ACOXL: variants seen among roughly 807,000 people sequenced by gnomAD.
ACOXL encodes the protein acyl-coenzyme A oxidase-like protein.
In ACOXL, 70 loss-of-function variants were observed where a neutral mutation model predicts 71.9. The ratio of observed to expected loss-of-function variants is 0.97; its 90% CI spans 0.80 to 1.19. ACOXL has a LOEUF of 1.19. Among genes scored for constraint, ACOXL ranks in the 50% most tolerant of loss-of-function variants. The probability of loss-of-function intolerance (pLI) is 0.00; values close to 1 mark genes in which losing one functional copy is unlikely to be tolerated. For missense variants in ACOXL, 703 were observed against 736.3 expected (o/e 0.95, Z 0.52); for synonymous variants, 253 against 281.6 (o/e 0.90, Z 1.02).
At chr2:110,751,013 A>G (rs1458992799) in intron 1 of ACOXL, among the ~76,000 whole-genome samples, 2 of 151,208 alleles carry the variant, frequency 1.3e-5, no homozygotes, top group Admixed American at 6.6e-5. Context: ...AAATTTAGAC[A>G]TGCGGCTGGG....
At chr2:110,917,441 A>G (rs1454169059) in intron 11 of ACOXL, among the ~76,000 whole-genome samples, 1 of 152,258 alleles carries the variant, frequency 6.6e-6, no homozygotes, top group Non-Finnish European at 1.5e-5. Context: ...ACCCACAGCC[A>G]CTATCATACT....
intron 8 of ACOXL, among the ~76,000 whole-genome samples, chr2:110,803,531 C>A (rs931913073): frequency 9.2e-5 from 14 of 151,954 alleles, no homozygotes; most frequent in Admixed American, 6.6e-5. Context: ...CAAAATGGAT[C>A]ACAGACCTAA....
At chr2:110,896,093 C>T (rs2058997921) in intron 10 of ACOXL, among the ~76,000 whole-genome samples, 1 of 152,010 alleles carries the variant, frequency 6.6e-6, no homozygotes, top group African/African-American at 2.4e-5. Flanking sequence ...GACAATTATA[C>T]ACAGGGGAAA....
At chr2:110,933,118 AAGTCATG>A (rs2060536657) in intron 11 of ACOXL, among the ~76,000 whole-genome samples, 1 of 152,346 alleles carries the variant, frequency 6.6e-6, no homozygotes, top group Admixed American at 6.5e-5. Flanking sequence ...GATTTTTTAA[AAGTCATG>A]TCTGACAATC....
At chr2:110,789,884 C>G (rs1684439177) in intron 3 of ACOXL, among the ~76,000 whole-genome samples, 2 of 152,238 alleles carry the variant, frequency 1.3e-5, no homozygotes, top group South Asian at 4.1e-4. Context: ...ATGGCCTGGC[C>G]TATTGCAGCC....
chr2:110,915,350 A>ATATATATATATATATATATATATGTG (rs1491355100), intron 11 of ACOXL, among the ~76,000 whole-genome samples: 11 of 113,610 alleles, frequency 9.7e-5, no homozygotes, highest in Non-Finnish European at 1.8e-4. Context: ...ATATATATAT[A>ATATATATATATATATATATATATGTG]TGTGTGTGTG....
chr2:110,842,172 A>G (rs1042156770), intron 10 of ACOXL, among the ~76,000 whole-genome samples: 3 of 152,168 alleles, frequency 2.0e-5, no homozygotes, highest in Non-Finnish European at 2.9e-5. Context: ...AAGTGTATAC[A>G]TGGTTTCAAT....
At chr2:110,948,666 A>C (rs1049671849) in intron 12 of ACOXL, among the ~76,000 whole-genome samples, 3 of 145,108 alleles carry the variant, frequency 2.1e-5, no homozygotes, top group African/African-American at 7.7e-5. Flanking sequence ...AGCTAAGACC[A>C]CTCAGGAGCC....
chr2:110,881,261 A>G (rs1278812776), intron 10 of ACOXL, among the ~76,000 whole-genome samples: 3 of 152,002 alleles, frequency 2.0e-5, no homozygotes, highest in Non-Finnish European at 4.4e-5. Context: ...CCACAGATCT[A>G]AGACTCTTCC....
Position 110,799,052 on chromosome 2 carries a change from G to A in ACOXL, c.499G>A (p.Gly167Arg), listed in dbSNP as rs752820708. The A allele has an allele frequency of 1.9e-5, 30 of 1,613,744 alleles. No homozygotes were observed. Among genetic ancestry groups the A allele is most frequent in the African/African-American group, 4.0e-5 (3 of 74,848 alleles). ...CFIVPVRDEN[G>R]SLYPGVTAID... ...CATCGTTCCTGTCCGGGATGAAAAC[G>A]GAAGCTTGTACCCAGGAGTCACAGC... Residue 167 changes from glycine (G) to arginine (R), a missense_variant, in exon 7 of 18, where the codon GGA becomes AGA. Gly to Arg is a moderately radical substitution (Grantham distance 125). Coordinates refer to ENST00000439055, the MANE Select transcript of ACOXL (RefSeq NM_001142807.4).
intron 3 of ACOXL, 56 bp downstream of exon 3, chr2:110,784,871 G>A (rs1683764820): frequency 2.7e-6 from 4 of 1,507,392 alleles, no homozygotes; most frequent in Non-Finnish European, 3.6e-6. Flanking sequence ...TGCATGCCAA[G>A]GAATGAAAAC....
At chr2:110,852,683 C>T (rs937599892) in intron 10 of ACOXL, among the ~76,000 whole-genome samples, 6 of 152,194 alleles carry the variant, frequency 3.9e-5, no homozygotes, top group Non-Finnish European at 8.8e-5. Flanking sequence ...CCTGGAGGGG[C>T]AGCACAAACC....
At chr2:110,868,162 T>A (rs1292654390) in intron 10 of ACOXL, among the ~76,000 whole-genome samples, 2 of 152,238 alleles carry the variant, frequency 1.3e-5, no homozygotes, top group Non-Finnish European at 2.9e-5. Context: ...ATGTAGTCAA[T>A]GGAGAAAAGG....
At chr2:111,072,374 C>T (rs1043582689) in intron 16 of ACOXL, among the ~76,000 whole-genome samples, 31 of 152,124 alleles carry the variant, frequency 2.0e-4, no homozygotes, top group African/African-American at 5.8e-4. Flanking sequence ...TCATTCACTC[C>T]GCATGATGTC....
intron 1 of ACOXL, chr2:110,733,032 T>G (rs1327692927): frequency 6.6e-6 from 1 of 151,926 alleles, no homozygotes; most frequent in Non-Finnish European, 1.5e-5. Context: ...CCACGAAGAG[T>G]CGGGTGCAGG....
chr2:111,099,017 A>T (rs1289139349), intron 17 of ACOXL: 2 of 152,210 alleles, frequency 1.3e-5, no homozygotes, highest in Non-Finnish European at 2.9e-5. Flanking sequence ...ACTGTCGAAG[A>T]TTCTAGCTGA....
chr2:111,063,943 G>A (rs2066933627), intron 16 of ACOXL, among the ~76,000 whole-genome samples: 1 of 152,216 alleles, frequency 6.6e-6, no homozygotes, highest in African/African-American at 2.4e-5. Context: ...GAAAGAGAGA[G>A]AGAAAGGACG....
Position 110,845,536 on chromosome 2 carries a change from G to A in ACOXL, c.788+4131G>A, listed in dbSNP as rs536875666. ...CAACACCACTGTCCATCTCCAGAGC[G>A]TTTTCAACATTGCAAACTGTAACTC... On this transcript the variant is annotated intron_variant, in intron 10 of 17. Transcript: ENST00000439055. Among the ~76,000 whole-genome samples the A allele has an allele frequency of 4.6e-5, 7 of 152,202 alleles. No homozygotes were observed. The South Asian group carries it at 8.3e-4, about 18-fold the overall frequency.
intron 10 of ACOXL, among the ~76,000 whole-genome samples, chr2:110,842,171 C>T (rs1691256260): frequency 6.6e-6 from 1 of 152,072 alleles, no homozygotes; most frequent in Non-Finnish European, 1.5e-5. Flanking sequence ...CAAGTGTATA[C>T]ATGGTTTCAA....
Sources: gnomAD v4.1 joint callset for allele counts (sites outside exome capture counted in the v4.1 genomes callset) on GRCh38, gnomAD v4.1.1 for gene constraint, MANE v1.5 for transcripts, NCBI Gene and HGNC (gene_info 2026-07-23, HGNC 2026-07-21) for gene names.